The following MAP3K5 variants were observed in gnomAD, a reference collection of about 807,000 sequenced individuals.
The protein encoded by MAP3K5 is ASK-1.
MAP3K5 carries 56 observed loss-of-function variants against 158.7 expected under a neutral mutation model. The ratio of observed to expected loss-of-function variants is 0.35; its 90% CI spans 0.28 to 0.44. The LOEUF is 0.44. Among genes scored for constraint, MAP3K5 ranks in the 20% least tolerant of loss-of-function variants. The pLI is 1.00. For missense variants in MAP3K5, 1,294 were observed against 1,674.8 expected (o/e 0.77, Z 3.97); for synonymous variants, 579 against 601.7 (o/e 0.96, Z 0.55).
intron 25 of MAP3K5, among the ~76,000 whole-genome samples, chr6:136,576,840 C>T (rs59690225): frequency 6.6e-6 from 1 of 152,038 alleles, no homozygotes; most frequent in Non-Finnish European, 1.5e-5. Context: ...TTTACTATAC[C>T]TTTTGTATGT....
At chr6:136,617,649 C>T (rs1253555771) in intron 15 of MAP3K5, among the ~76,000 whole-genome samples, 1 of 151,966 alleles carries the variant, frequency 6.6e-6, no homozygotes, top group Non-Finnish European at 1.5e-5. Flanking sequence ...AATAACCAGT[C>T]CACGGCCGGT....
rs372772146 is a variant in MAP3K5, at chr6:136,760,257, T to C, written c.448+31453A>G. Among the ~76,000 whole-genome samples, 33 of 152,286 alleles carry C rather than the reference T, an allele frequency of 2.2e-4. 2 individuals carry two copies. Among genetic ancestry groups the C allele is most frequent in the Admixed American group, 9.2e-4 (14 of 15,294 alleles). ...AGTCAGCAGTCAGTTATATATATAA[T>C]TGTCACCAGTCTACAATTTTTTTTC... On this transcript the variant is annotated intron_variant, in intron 1 of 29. Transcript: ENST00000359015.
Position 136,622,943 on chromosome 6 carries a change from A to ACC in MAP3K5, c.2054_2055insGG (p.Leu686ValfsTer2). On this transcript the variant is annotated frameshift_variant, in exon 15 of 30. Coordinates refer to ENST00000359015, the MANE Select transcript of MAP3K5 (RefSeq NM_005923.4). LOFTEE classifies it high-confidence loss of function. ...CTATCCCATAAGTGCCTTTTCCTAA[A>ACC]ACGACTCTGTCACCATTTTCATCAT... The ACC allele has an allele frequency of 9.0e-7, 1 of 1,112,794 alleles. No homozygotes were observed. The highest frequency in any genetic ancestry group is 1.3e-6 in the Non-Finnish European group (1 of 752,086). 68.9% of individuals were successfully genotyped at this position (1,112,794 alleles called of 1,614,324 possible).
intron 26 of MAP3K5, among the ~76,000 whole-genome samples, chr6:136,564,007 CTTAGATAAA>C (rs1830629373): frequency 1.3e-5 from 2 of 152,294 alleles, no homozygotes; most frequent in East Asian, 3.9e-4. Flanking sequence ...CTGTGTTAAC[CTTAGATAAA>C]TTACCTAATG....
intron 2 of MAP3K5, among the ~76,000 whole-genome samples, chr6:136,716,259 G>A (rs1352759669): frequency 6.6e-6 from 1 of 151,886 alleles, no homozygotes; most frequent in Non-Finnish European, 1.5e-5. Context: ...CCCAAATTGC[G>A]CTTCAGAAGG....
At chr6:136,668,120 C>T (rs1235993371) in intron 8 of MAP3K5, among the ~76,000 whole-genome samples, 1 of 151,758 alleles carries the variant, frequency 6.6e-6, no homozygotes, top group Non-Finnish European at 1.5e-5. Context: ...CGGTGGCTCA[C>T]ACCTGTAATA....
At chr6:136,688,756 C>T (rs1022915848) in intron 7 of MAP3K5, among the ~76,000 whole-genome samples, 2 of 152,118 alleles carry the variant, frequency 1.3e-5, no homozygotes, top group Admixed American at 6.5e-5. Flanking sequence ...CTATTTTATC[C>T]TTGTACACAA....
chr6:136,698,412 C>G, intron 4 of MAP3K5, 77 bp downstream of exon 4: 1 of 1,265,764 alleles, frequency 7.9e-7, no homozygotes, highest in South Asian at 1.4e-5. Context: ...TCAGGAGCAC[C>G]TGATATCATG....
In MAP3K5 at chr6:136,792,002, GC is replaced by G. The variant is rs748430195; in HGVS notation, c.155del (p.Gly52AlafsTer45). On this transcript the variant is annotated frameshift_variant, in exon 1 of 30. Coordinates refer to ENST00000359015, the MANE Select transcript of MAP3K5 (RefSeq NM_005923.4). LOFTEE classifies it high-confidence loss of function. The surrounding 1 kb of genome is among the most constrained non-coding windows in gnomAD (Gnocchi z 5.7). ...CGGCGCTCTCCACGTTCCAGAAGCT[GC>G]CCGGCGGCGGCGGTGGCAGCTGGTG... The part of the protein sequence containing the change: ...EEHQLPPPPP[G>X]SFWNVESAAA... The G allele has an allele frequency of 6.3e-7, 1 of 1,591,004 alleles. No individual in the cohort carries two copies. Among genetic ancestry groups the G allele is most frequent in the Admixed American group, 1.8e-5 (1 of 56,130 alleles).
In MAP3K5 at chr6:136,698,699, C is replaced by T; in HGVS notation, c.613-17G>A. 6.3e-6 allele frequency: 10 copies of T among 1,596,352 alleles called. No individual in the cohort carries two copies. Among genetic ancestry groups the T allele is most frequent in the Non-Finnish European group, 8.6e-6 (10 of 1,166,360 alleles). On this transcript the variant is annotated splice_polypyrimidine_tract_variant and intron_variant, in intron 3 of 29. Transcript: ENST00000359015. ...AGTGCACATCTGCGGAGAGAGGAGG[C>T]ATCGGCAAGTGGGGAGCTGGCCTGG...
chr6:136,778,140 C>T (rs542184679), intron 1 of MAP3K5, among the ~76,000 whole-genome samples: 14 of 151,852 alleles, frequency 9.2e-5, no homozygotes, highest in Admixed American at 3.9e-4. Flanking sequence ...ATCATAATAC[C>T]CCTCTTGGAA....
At chr6:136,739,211 G>A (rs182369984) in intron 1 of MAP3K5, among the ~76,000 whole-genome samples, 98 of 152,266 alleles carry the variant, frequency 6.4e-4, no homozygotes, top group Middle Eastern at 3.4e-3. Flanking sequence ...TCAGTAGTCA[G>A]TGCTGACCAG....
In MAP3K5 at chr6:136,601,809, C is replaced by T. The variant is rs9483934; in HGVS notation, c.2850G>A (p.Lys950=). The change falls in exon 20 of 30, where the codon AAG becomes AAA. Residue 950 remains lysine, a synonymous_variant. Coordinates refer to ENST00000359015, the MANE Select transcript of MAP3K5 (RefSeq NM_005923.4). Reference sequence around the variant, plus strand: ...TTCAATGCAACCACATACCTGAAAGCTTAGGTTGTGTCTTTTTCTTTTTGC... The same window carrying T: ...TTCAATGCAACCACATACCTGAAAGTTTAGGTTGTGTCTTTTTCTTTTTGC... The part of the protein sequence containing the change: ...VSSKKKKTQP[K]LSALSAGSNE... The T allele has an allele frequency of 1.2e-5, 19 of 1,613,880 alleles. No individual in the cohort carries two copies. The highest frequency in any genetic ancestry group is 1.6e-5 in the Non-Finnish European group (19 of 1,179,976).
intron 1 of MAP3K5, among the ~76,000 whole-genome samples, chr6:136,761,810 A>G (rs6924387): frequency 0.47 from 70,846 of 151,988 alleles, 17,103 homozygotes; most frequent in African/African-American, 0.59. Context: ...TGATCAGAAG[A>G]TAATTTCATA....
intron 2 of MAP3K5, among the ~76,000 whole-genome samples, chr6:136,714,825 T>C (rs945385769): frequency 1.3e-5 from 2 of 152,154 alleles, no homozygotes; most frequent in African/African-American, 2.4e-5. Context: ...TAGTGAAATG[T>C]TACAAATTTT....
intron 18 of MAP3K5, among the ~76,000 whole-genome samples, chr6:136,607,055 A>G (rs1583263160): frequency 6.6e-6 from 1 of 152,210 alleles, no homozygotes; most frequent in Non-Finnish European, 1.5e-5. Flanking sequence ...CAAGGCAACC[A>G]TGCTCCCCAA....
At chr6:136,653,270 T>C (rs575662151) in intron 10 of MAP3K5, among the ~76,000 whole-genome samples, 3 of 152,338 alleles carry the variant, frequency 2.0e-5, no homozygotes, top group African/African-American at 7.2e-5. Context: ...ATTCAAATCA[T>C]TTCCCAAATA....
At chr6:136,654,507 C>A (rs1171546906) in intron 10 of MAP3K5, among the ~76,000 whole-genome samples, 1 of 152,104 alleles carries the variant, frequency 6.6e-6, no homozygotes, top group African/African-American at 2.4e-5. Context: ...ACTGCAATGG[C>A]ATGGTATCGG....
intron 1 of MAP3K5, among the ~76,000 whole-genome samples, chr6:136,754,790 A>T (rs1290370218): frequency 6.6e-6 from 1 of 152,128 alleles, no homozygotes; most frequent in African/African-American, 2.4e-5. Context: ...GCCTCAATGG[A>T]GGTCCTCGGC....
Sources: gnomAD v4.1 joint callset for allele counts (sites outside exome capture counted in the v4.1 genomes callset) on GRCh38, gnomAD v4.1.1 for gene constraint, Gnocchi (gnomAD v3.1) non-coding constraint, MANE v1.5 for transcripts, NCBI Gene and HGNC (gene_info 2026-07-23, HGNC 2026-07-21) for gene names.